The following NT5DC4 variants were observed in gnomAD, a reference collection of about 807,000 sequenced individuals.
The protein encoded by NT5DC4 is 5'-nucleotidase domain containing 4.
Under a neutral mutation model 26.6 loss-of-function variants are expected in NT5DC4, and 44 were observed. The ratio of observed to expected loss-of-function variants is 1.65; its 90% CI spans 1.30 to 2.13. NT5DC4 has a LOEUF of 2.13. Among genes scored for constraint, NT5DC4 ranks in the 30% most tolerant of loss-of-function variants. The pLI, the probability that NT5DC4 is intolerant of heterozygous loss-of-function variation, is 0.00. For missense variants in NT5DC4, 399 were observed against 228.1 expected (o/e 1.75, Z -4.83); for synonymous variants, 157 against 86.7 (o/e 1.81, Z -4.51).
chr2:112,728,049 G>C (rs1677980336), intron 15 of NT5DC4, among the ~76,000 whole-genome samples: 1 of 152,220 alleles, frequency 6.6e-6, no homozygotes, highest in African/African-American at 2.4e-5. Context: ...CCCCAGCCTT[G>C]CTAGGAGCTT....
Position 112,725,459 on chromosome 2 carries a change from G to T in NT5DC4, c.1060G>T (p.Asp354Tyr). The change falls in exon 13 of 17, where the codon GAC becomes TAC. Residue 354 changes from aspartate to tyrosine, a missense_variant. By Grantham distance (160) the Asp-to-Tyr change is radical. Transcript: ENST00000688554. ...GTACATTGGGGACCACATTTTTGGG[G>T]ACATTCTCAAGTCCAAGAAGCGTCA... Reference protein sequence around the residue: ...ILYIGDHIFGDILKSKKRQGW... With the variant: ...ILYIGDHIFGYILKSKKRQGW... 2.8e-6 allele frequency: 2 copies of T among 717,096 alleles called. No individual in the cohort carries two copies. Among genetic ancestry groups the T allele is most frequent in the East Asian group, 2.7e-5 (1 of 37,290 alleles). 44.4% of individuals were successfully genotyped at this position (717,096 alleles called of 1,614,324 possible).
At chr2:112,725,313 C>T (rs1322479893) in intron 12 of NT5DC4, 69 bp from the exon 13 acceptor site, 3 of 692,188 alleles carry the variant, frequency 4.3e-6, no homozygotes, top group Non-Finnish European at 8.2e-6. Flanking sequence ...AGGCCCCTCA[C>T]CTGCCCCGAG....
downstream of NT5DC4, chr2:112,740,688 C>T (rs1679872666): frequency 1.4e-6 from 1 of 702,786 alleles, no homozygotes; most frequent in Non-Finnish European, 2.5e-6. Flanking sequence ...TTCTAATACC[C>T]CTCCTGACTC....
chr2:112,720,166 G>A (rs569572321), upstream of NT5DC4, among the ~76,000 whole-genome samples: 3 of 150,032 alleles, frequency 2.0e-5, no homozygotes, highest in East Asian at 2.0e-4. Context: ...TCAGCCTCCC[G>A]AGAAGCTGCC....
Position 112,722,213 on chromosome 2 carries a change from C to T in NT5DC4, c.297C>T (p.Asn99=), listed in dbSNP as rs769461480. The change falls in exon 4 of 17, where the codon AAC becomes AAT. Residue 99 remains asparagine (N), a synonymous_variant. Transcript: ENST00000688554. ...RRLVFDELYG[N]LLKVDAHGNV... is the part of the protein sequence containing the mutation. ...TGGTGTTCGATGAACTCTATGGGAACCTGCTGAAGGTGGACGCCCACGGGA... is the reference window on the plus strand; with the variant it reads ...TGGTGTTCGATGAACTCTATGGGAATCTGCTGAAGGTGGACGCCCACGGGA... 1.5e-5 allele frequency: 11 copies of T among 717,034 alleles called. No individual in the cohort carries two copies. In the South Asian group the frequency reaches 1.6e-4, roughly 11 times the overall value. 44.4% of individuals were successfully genotyped at this position (717,034 alleles called of 1,614,324 possible).
Position 112,724,825 on chromosome 2 carries a change from C to G in NT5DC4, c.834C>G (p.Ile278Met). ...GRPWRSYFDL[I>M]VVDTQKPHFF... ...CCTGGAGGTCCTACTTTGACCTGAT[C>G]GTGGTGGACACGCAGAAGCCCCACT... The change falls in exon 11 of 17, where the codon ATC becomes ATG. Residue 278 changes from isoleucine (I) to methionine (M), a missense_variant. Physicochemically the swap from Ile to Met is conservative, Grantham distance 10. Coordinates refer to ENST00000688554, the MANE Select transcript of NT5DC4 (RefSeq NM_001393655.1). 1 of 717,214 alleles carries G rather than the reference C, an allele frequency of 1.4e-6. No individual in the cohort carries two copies. The highest frequency in any genetic ancestry group is 2.7e-5 in the East Asian group (1 of 37,286). 44.4% of individuals were successfully genotyped at this position (717,214 alleles called of 1,614,324 possible).
downstream of NT5DC4, chr2:112,740,697 T>C (rs1018213696): frequency 4.0e-6 from 3 of 755,054 alleles, no homozygotes; most frequent in African/African-American, 3.5e-5. Context: ...CCCTCCTGAC[T>C]CTGGCAGCAC....
chr2:112,741,182 G>A (rs563129688), downstream of NT5DC4, among the ~76,000 whole-genome samples: 2 of 152,050 alleles, frequency 1.3e-5, no homozygotes, highest in East Asian at 3.9e-4. Flanking sequence ...TTCACGTTAA[G>A]CTCTGTAGCA....
chr2:112,723,582 G>A lies in NT5DC4; in HGVS notation c.672+114G>A, dbSNP rs1033787106. 6 of 683,852 alleles carry A rather than the reference G, an allele frequency of 8.8e-6. No individual in the cohort carries two copies. In the East Asian group the frequency reaches 1.3e-4, roughly 15 times the overall value. The allele number at this position is 683,852 out of a possible 1,614,324, so 42.4% of individuals were successfully genotyped here. ...TAGGCTGAGCTCTGCTCCCCGGATG[G>A]CTGGGGATCTTTCTATGGGGCCTGG... On this transcript the variant is annotated intron_variant, in intron 8 of 16. Transcript: ENST00000688554.
Position 112,725,404 on chromosome 2 carries a change from G to A in NT5DC4, c.1005G>A (p.Glu335=). 1.4e-6 allele frequency: 1 copy of A among 712,912 alleles called. No individual in the cohort carries two copies. The highest frequency in any genetic ancestry group is 1.5e-5 in the South Asian group (1 of 67,422). 44.2% of individuals were successfully genotyped at this position (712,912 alleles called of 1,614,324 possible). ...YSGGSSDMVC[E]LLGVRGMDIL... ...CAGGCTCTTCGGACATGGTGTGCGAGCTGCTTGGGGTTCGGGGGATGGACA... is the reference window on the plus strand; with the variant it reads ...CAGGCTCTTCGGACATGGTGTGCGAACTGCTTGGGGTTCGGGGGATGGACA... The change falls in exon 13 of 17, where the codon GAG becomes GAA. Residue 335 remains glutamate (E), a synonymous_variant. Transcript: ENST00000688554.
chr2:112,740,918 AAAGAC>A (rs1328760887), downstream of NT5DC4: 9 of 1,613,966 alleles, frequency 5.6e-6, no homozygotes, highest in Non-Finnish European at 6.8e-6. Flanking sequence ...TCTTTTGGAG[AAAGAC>A]AAGACTTCAC....
intron 15 of NT5DC4, among the ~76,000 whole-genome samples, chr2:112,728,391 G>A (rs1678033217): frequency 6.6e-6 from 1 of 152,200 alleles, no homozygotes; most frequent in African/African-American, 2.4e-5. Context: ...TGGGAGACCG[G>A]AGGATGCTTC....
rs769906646 is a variant in NT5DC4 at position 112,723,693 on chromosome 2, T to C, written c.673-26T>C. 2.5e-5 allele frequency: 18 copies of C among 715,390 alleles called. No individual in the cohort carries two copies. The South Asian group carries it at 2.5e-4, about 10-fold the overall frequency. The allele number at this position is 715,390 out of a possible 1,614,324, so 44.3% of individuals were successfully genotyped here. A position where few individuals can be genotyped will look rare whatever the true frequency, so the allele number is the denominator to read the frequency against. ...AGGGCAGCTCTGGGAGTCCCACCCC[T>C]GCAAGTCCCTCTATCTCTGCCCCAG... On this transcript the variant is annotated intron_variant, in intron 8 of 16. Coordinates refer to ENST00000688554, the MANE Select transcript of NT5DC4 (RefSeq NM_001393655.1).
chr2:112,720,933 G>T (rs2104694312), upstream of NT5DC4, among the ~76,000 whole-genome samples: 1 of 152,316 alleles, frequency 6.6e-6, no homozygotes, highest in South Asian at 2.1e-4. Flanking sequence ...CCCTCAAAGG[G>T]GCTCGGGGGA....
rs540080112 is a variant in NT5DC4 at position 112,735,633 on chromosome 2, C to T, written c.1345-3280C>T. On this transcript the variant is annotated intron_variant, in intron 16 of 16. Coordinates refer to ENST00000688554, the MANE Select transcript of NT5DC4 (RefSeq NM_001393655.1). ...CCTTCCCAAATCATTAAGGGCCCAC[C>T]TTCTTTCCTTCCCACTCTCCCTCCT... 7.9e-5 allele frequency among the ~76,000 whole-genome samples: 12 copies of T among 152,294 alleles called. No homozygotes were observed. The East Asian group carries it at 2.1e-3, about 27-fold the overall frequency.
At chr2:112,737,377 C>T (rs1679355385) in intron 16 of NT5DC4, 2 of 152,200 alleles carry the variant, frequency 1.3e-5, no homozygotes, top group Non-Finnish European at 2.9e-5. Context: ...TCTCCACAAT[C>T]TCATCAACAT....
intron 1 of NT5DC4, chr2:112,721,599 C>T (rs1047324160): frequency 1.5e-5 from 11 of 717,266 alleles, no homozygotes; most frequent in Non-Finnish European, 2.6e-5. Flanking sequence ...CACGCTTGCA[C>T]ACATGCTCAC....
intron 13 of NT5DC4, 32 bp from the exon 14 acceptor site, chr2:112,726,202 GTCAC>G (rs1452766626): frequency 8.4e-6 from 6 of 716,980 alleles, no homozygotes; most frequent in Non-Finnish European, 1.6e-5. Context: ...GACACAGGCC[GTCAC>G]TCACCCCCAC....
chr2:112,722,516 C>T lies in NT5DC4; in HGVS notation c.396C>T (p.Phe132=). The change falls in exon 5 of 17, where the codon TTC becomes TTT. Residue 132 remains phenylalanine, a synonymous_variant. Transcript: ENST00000688554. ...LPLLRAEIWS[F]YPSKFIQRDD... ...TCCTCAGGGCAGAGATCTGGAGCTT[C>T]TACCCCAGCAAGTTCATTCAGAGGG... The T allele has an allele frequency of 1.4e-6, 1 of 717,404 alleles. No homozygotes were observed. The highest frequency in any genetic ancestry group is 2.6e-6 in the Non-Finnish European group (1 of 385,070). 44.4% of individuals were successfully genotyped at this position (717,404 alleles called of 1,614,324 possible). A position where few individuals can be genotyped will look rare whatever the true frequency, so the allele number is the denominator to read the frequency against.
Sources: gnomAD v4.1 joint callset for allele counts (sites outside exome capture counted in the v4.1 genomes callset) on GRCh38, gnomAD v4.1.1 for gene constraint, MANE v1.5 for transcripts, NCBI Gene and HGNC (gene_info 2026-07-23, HGNC 2026-07-21) for gene names.